The following RORA variants were observed in gnomAD, a reference collection of about 807,000 sequenced individuals.
The protein encoded by RORA is RAR related orphan receptor A.
RORA carries 7 observed loss-of-function variants against 69.5 expected under a neutral mutation model. The observed-to-expected ratio is 0.10, with a 90% confidence interval of 0.06 to 0.19. The LOEUF (loss-of-function observed/expected upper bound fraction) is 0.19. Ranked by LOEUF, RORA falls within the 10% of genes least tolerant of loss-of-function variation. RORA has a pLI of 1.00. For synonymous variants in RORA, 261 were observed against 240.8 expected (o/e 1.08, Z -0.78); for missense variants, 457 against 663.0 (o/e 0.69, Z 3.41).
At chr15:60,757,257 T>A (rs1266198773) in intron 1 of RORA, among the ~76,000 whole-genome samples, 1 of 152,146 alleles carries the variant, frequency 6.6e-6, no homozygotes, top group Admixed American at 6.5e-5. Flanking sequence ...TTTCTCTCCC[T>A]TGCATCATCA....
intron 1 of RORA, among the ~76,000 whole-genome samples, chr15:60,936,860 T>A (rs1892539472): frequency 6.6e-6 from 1 of 152,238 alleles, no homozygotes; most frequent in Non-Finnish European, 1.5e-5. Flanking sequence ...GGACTGTCTG[T>A]AAAACCATTC....
At chr15:60,614,858 G>A (rs753697969) in intron 2 of RORA, 1 of 1,572,760 alleles carries the variant, frequency 6.4e-7, no homozygotes, top group Non-Finnish European at 8.7e-7. Context: ...CATACATATA[G>A]CTGCCTGGAG....
chr15:61,216,732 C>A (rs982459664), intron 1 of RORA, among the ~76,000 whole-genome samples: 29 of 152,154 alleles, frequency 1.9e-4, no homozygotes, highest in African/African-American at 6.0e-4. Flanking sequence ...GTCAGGAAAG[C>A]TCAACAAGTG....
intron 2 of RORA, among the ~76,000 whole-genome samples, chr15:60,539,952 T>G (rs1290348371): frequency 6.6e-6 from 1 of 152,170 alleles, no homozygotes; most frequent in East Asian, 1.9e-4. Flanking sequence ...CAGTAACATT[T>G]AACAAAAGTC....
chr15:61,171,658 C>A (rs565593251), intron 1 of RORA, among the ~76,000 whole-genome samples: 7 of 152,320 alleles, frequency 4.6e-5, no homozygotes, highest in African/African-American at 1.2e-4. Context: ...CTCCCCATAA[C>A]CTATGACACA....
chr15:60,859,103 G>A (rs1036172528), intron 1 of RORA, among the ~76,000 whole-genome samples: 4 of 151,952 alleles, frequency 2.6e-5, no homozygotes, highest in Middle Eastern at 3.4e-3. Context: ...GCCTCTGCCT[G>A]AAATACTCTT....
chr15:61,178,780 A>C (rs889260638), intron 1 of RORA, among the ~76,000 whole-genome samples: 2 of 152,208 alleles, frequency 1.3e-5, no homozygotes, highest in African/African-American at 4.8e-5. Context: ...TTACATATAA[A>C]TGACAAACAA....
chr15:60,518,402 C>T (rs905231539), intron 3 of RORA, among the ~76,000 whole-genome samples: 25 of 152,228 alleles, frequency 1.6e-4, no homozygotes, highest in African/African-American at 5.8e-4. Flanking sequence ...TTACTGAGTA[C>T]TTGTAGTAAC....
chr15:60,882,171 G>A (rs933730506), intron 1 of RORA, among the ~76,000 whole-genome samples: 1 of 152,014 alleles, frequency 6.6e-6, no homozygotes, highest in South Asian at 2.1e-4. Flanking sequence ...GTTTTGTTTC[G>A]TTGCAACCAC....
At chr15:61,118,941 C>T (rs2079074916) in intron 1 of RORA, among the ~76,000 whole-genome samples, 1 of 151,654 alleles carries the variant, frequency 6.6e-6, no homozygotes, top group Non-Finnish European at 1.5e-5. Flanking sequence ...TACTGGGCGA[C>T]CTATAATACT....
chr15:60,828,955 GT>G (rs979126314), intron 1 of RORA, among the ~76,000 whole-genome samples: 1 of 152,162 alleles, frequency 6.6e-6, no homozygotes, highest in Non-Finnish European at 1.5e-5. Flanking sequence ...TCATTTAAGG[GT>G]TTCCAGAAAT....
intron 1 of RORA, among the ~76,000 whole-genome samples, chr15:61,158,617 C>T (rs908350267): frequency 1.3e-5 from 2 of 152,176 alleles, no homozygotes; most frequent in Non-Finnish European, 2.9e-5. Context: ...CACTTATTTA[C>T]TGCTCATCCG....
intron 1 of RORA, among the ~76,000 whole-genome samples, chr15:60,932,994 C>T (rs935175856): frequency 1.3e-5 from 2 of 152,142 alleles, no homozygotes; most frequent in African/African-American, 4.8e-5. Flanking sequence ...CTCTTCCTTA[C>T]CCAGGAGTTT....
intron 1 of RORA, among the ~76,000 whole-genome samples, chr15:61,145,154 T>A (rs1048951297): frequency 1.3e-5 from 2 of 152,190 alleles, no homozygotes; most frequent in African/African-American, 4.8e-5. Context: ...TACAAAGATT[T>A]TAAAAATCTA....
rs934749866 is a variant in RORA, at chr15:60,494,569, A to G, written c.*2886T>C. The G allele has an allele frequency of 7.0e-6, 1 of 142,580 alleles. No individual in the cohort carries two copies. Among genetic ancestry groups the G allele is most frequent in the Non-Finnish European group, 1.6e-5 (1 of 63,390 alleles). 8.8% of individuals were successfully genotyped at this position (142,580 alleles called of 1,614,324 possible). On this transcript the variant is annotated 3_prime_UTR_variant, in exon 11 of 11. Transcript: ENST00000335670. The stretch of plus-strand genomic sequence containing the variant: ...GCAAAGTTTTTCACATCCTTTTCTG[A>G]GCTCCATATTTTTTTTAAACTGAAT...
intron 2 of RORA, among the ~76,000 whole-genome samples, chr15:60,656,173 G>C (rs1358351166): frequency 6.6e-6 from 1 of 152,174 alleles, no homozygotes; most frequent in Non-Finnish European, 1.5e-5. Context: ...AGGTTTGGGA[G>C]ACCACGCAGT....
chr15:61,062,122 T>A (rs1206910340), intron 1 of RORA, among the ~76,000 whole-genome samples: 3 of 152,186 alleles, frequency 2.0e-5, no homozygotes, highest in African/African-American at 7.2e-5. Flanking sequence ...CCCCACCCTA[T>A]GGAGCACTGC....
At position 60,640,622 on chromosome 15, in the gene RORA, TA is replaced by T. The variant is rs201908859; in HGVS notation, c.196+38034del. Among the ~76,000 whole-genome samples the T allele has an allele frequency of 4.3e-3, 650 of 152,234 alleles. 3 individuals carry two copies. Among genetic ancestry groups the T allele is most frequent in the African/African-American group, 0.015 (608 of 41,502 alleles). ...CACTTGCTACTGCTTTTTTCTTCTA[TA>T]AAATTTTTTTTTTCCGGTTGTACTG... On this transcript the variant is annotated intron_variant, in intron 2 of 10. Transcript: ENST00000335670.
chr15:61,167,938 T>C (rs1040877618), intron 1 of RORA, among the ~76,000 whole-genome samples: 4 of 152,184 alleles, frequency 2.6e-5, no homozygotes, highest in African/African-American at 4.8e-5. Context: ...TGCTTCTGTA[T>C]ATTTGCTCTT....
Sources: allele counts gnomAD v4.1 joint callset (sites outside exome capture counted in the v4.1 genomes callset), GRCh38; gene constraint gnomAD v4.1.1; transcripts MANE v1.5; gene names NCBI Gene and HGNC (gene_info 2026-07-23, HGNC 2026-07-21).